The following RSAD2 variants were observed in gnomAD, a reference collection of about 807,000 sequenced individuals.
The protein encoded by RSAD2 is radical S-adenosyl methionine domain containing 2.
RSAD2 carries 38 observed loss-of-function variants against 37.7 expected under a neutral mutation model. The observed-to-expected ratio is 1.01, with a 90% CI of 0.78 to 1.32. RSAD2 has a LOEUF of 1.32. Among genes scored for constraint, RSAD2 ranks in the 40% most tolerant of loss-of-function variants. The pLI, the probability that RSAD2 is intolerant of heterozygous loss-of-function variation, is 0.00. For synonymous variants in RSAD2, 163 were observed against 157.4 expected (o/e 1.04, Z -0.27); for missense variants, 428 against 437.5 (o/e 0.98, Z 0.19).
intron 1 of RSAD2, among the ~76,000 whole-genome samples, chr2:6,882,505 T>G (rs1663433681): frequency 6.6e-6 from 1 of 151,920 alleles, no homozygotes; most frequent in South Asian, 2.1e-4. Context: ...GATAAGAAAA[T>G]AGTGGTTAAA....
intron 1 of RSAD2, chr2:6,878,813 T>C: frequency 8.3e-7 from 1 of 1,200,560 alleles, no homozygotes; most frequent in Non-Finnish European, 1.1e-6. Context: ...TTCCTGTCTT[T>C]CCTAGAGTAC....
Position 6,877,822 on chromosome 2 carries a change from G to A in RSAD2, c.22G>A (p.Ala8Thr), listed in dbSNP as rs749611261. The change falls in exon 1 of 6, where the codon GCT becomes ACT. Residue 8 changes from alanine to threonine, a missense_variant. Coordinates refer to ENST00000382040, the MANE Select transcript of RSAD2 (RefSeq NM_080657.5). ...CACAATGTGGGTGCTTACACCTGCT[G>A]CTTTTGCTGGGAAGCTCTTGAGTGT... MWVLTPAAFAGKLLSVFR... is the reference protein window; with the variant it reads MWVLTPATFAGKLLSVFR... 4 of 1,613,844 alleles carry A rather than the reference G, an allele frequency of 2.5e-6. No individual in the cohort carries two copies. The Admixed American group carries it at 6.7e-5, about 27-fold the overall frequency.
chr2:6,893,460 G>A (rs1663670544), intron 4 of RSAD2, among the ~76,000 whole-genome samples: 1 of 152,184 alleles, frequency 6.6e-6, no homozygotes, highest in African/African-American at 2.4e-5. Context: ...TTTCAGCAAA[G>A]AGCAGAGAAT....
At chr2:6,886,596 C>T (rs1663526490) in intron 2 of RSAD2, among the ~76,000 whole-genome samples, 1 of 152,190 alleles carries the variant, frequency 6.6e-6, no homozygotes, top group Non-Finnish European at 1.5e-5. Flanking sequence ...AGTCTAGAGG[C>T]ATCCAAATAT....
chr2:6,894,545 C>A (rs183547087), intron 5 of RSAD2, among the ~76,000 whole-genome samples: 25 of 152,320 alleles, frequency 1.6e-4, no homozygotes, highest in Admixed American at 1.6e-3. Context: ...TGGCTCACTG[C>A]AGCCTCAGCC....
At chr2:6,867,686 C>A (rs1663128185) in intron 1 of RSAD2, among the ~76,000 whole-genome samples, 2 of 152,128 alleles carry the variant, frequency 1.3e-5, no homozygotes, top group African/African-American at 4.8e-5. Flanking sequence ...CCACTGAGCA[C>A]CTTGAGGGTA....
chr2:6,867,383 G>A (rs1663118727), intron 1 of RSAD2, among the ~76,000 whole-genome samples: 2 of 152,096 alleles, frequency 1.3e-5, no homozygotes, highest in South Asian at 2.1e-4. Context: ...TTGCATCCTT[G>A]GCGTCTCCTT....
At chr2:6,878,239 A>G in intron 1 of RSAD2, 93 bp downstream of exon 1, 1 of 1,037,660 alleles carries the variant, frequency 9.6e-7, no homozygotes, top group Non-Finnish European at 1.4e-6. Flanking sequence ...CAAGCTGGAG[A>G]GCTTCTCCAA....
At position 6,897,650 on chromosome 2, in the gene RSAD2, T is replaced by C. The variant is rs151157454; in HGVS notation, c.*1708T>C. ...GGTTTTGATTGTGTCTAAGCTATGA[T>C]GACCTTCATATAATCAGCATAAACA... On this transcript the variant is annotated 3_prime_UTR_variant, in exon 6 of 6. Coordinates refer to ENST00000382040, the MANE Select transcript of RSAD2 (RefSeq NM_080657.5). The C allele has an allele frequency of 6.6e-6, 1 of 152,316 alleles. No individual in the cohort carries two copies. Among genetic ancestry groups the C allele is most frequent in the Non-Finnish European group, 1.5e-5 (1 of 68,028 alleles). 9.4% of individuals were successfully genotyped at this position (152,316 alleles called of 1,614,324 possible).
At chr2:6,895,177 C>T (rs893894167) in intron 5 of RSAD2, among the ~76,000 whole-genome samples, 7 of 152,204 alleles carry the variant, frequency 4.6e-5, no homozygotes, top group South Asian at 2.1e-4. Flanking sequence ...AAAGAGCCTT[C>T]GCAGGTCATG....
upstream of RSAD2, among the ~76,000 whole-genome samples, chr2:6,876,486 A>G (rs1225060257): frequency 3.3e-5 from 5 of 152,202 alleles, no homozygotes; most frequent in Admixed American, 2.6e-4. Flanking sequence ...TATGCCTCTC[A>G]TGATCACATG....
chr2:6,890,633 G>A (rs1477819897), intron 4 of RSAD2, among the ~76,000 whole-genome samples: 1 of 152,124 alleles, frequency 6.6e-6, no homozygotes, highest in African/African-American at 2.4e-5. Context: ...TAAGTATAAT[G>A]TCCCTATGTG....
chr2:6,884,271 A>G (rs1213421926), intron 2 of RSAD2, among the ~76,000 whole-genome samples: 1 of 152,130 alleles, frequency 6.6e-6, no homozygotes, highest in Non-Finnish European at 1.5e-5. Flanking sequence ...GCGGACATGG[A>G]CTGTGGGGGA....
rs554141538 is a variant in RSAD2, at chr2:6,886,958, A to G, written c.532A>G (p.Ile178Val). 2 of 1,614,010 alleles carry G rather than the reference A, an allele frequency of 1.2e-6. No homozygotes were observed. The highest frequency in any genetic ancestry group is 1.1e-5 in the South Asian group (1 of 91,082). Residue 178 changes from isoleucine to valine, a missense_variant, in exon 3 of 6, where the codon ATC becomes GTC. By Grantham distance (29) the Ile-to-Val change is conservative. Transcript: ENST00000382040. ...NYGEYLDILA[I>V]SCDSFDEEVN... The stretch of plus-strand genomic sequence containing the variant: ...AGGTGAGTATTTGGACATTCTCGCT[A>G]TCTCCTGTGACAGCTTTGACGAGGA...
rs555670954 is a variant in RSAD2 at position 6,882,239 on chromosome 2, C to A, written c.347-1132C>A. Among the ~76,000 whole-genome samples, 155 of 152,076 alleles carry A rather than the reference C, an allele frequency of 1.0e-3. 1 individual carries two copies. Among genetic ancestry groups the A allele is most frequent in the Non-Finnish European group, 1.9e-3 (126 of 67,988 alleles). ...TCAAAAGAAGAGGCAGACACCAAAA[C>A]AAATACACAGAGAGTATGTAGGAAG... On this transcript the variant is annotated intron_variant, in intron 1 of 5. Coordinates refer to ENST00000382040, the MANE Select transcript of RSAD2 (RefSeq NM_080657.5).
chr2:6,888,284 A>G (rs941789317), intron 3 of RSAD2, among the ~76,000 whole-genome samples: 4 of 152,196 alleles, frequency 2.6e-5, no homozygotes, highest in African/African-American at 9.6e-5. Context: ...TGGAGATGCT[A>G]CTTTCAAAAA....
chr2:6,874,773 T>C (rs925469982), upstream of RSAD2, among the ~76,000 whole-genome samples: 1 of 152,236 alleles, frequency 6.6e-6, no homozygotes, highest in Non-Finnish European at 1.5e-5. Flanking sequence ...TGAACAAAAG[T>C]GGAAGCATTT....
At chr2:6,871,266 TCTAC>T (rs1353056579) in intron 1 of RSAD2, among the ~76,000 whole-genome samples, 6 of 152,234 alleles carry the variant, frequency 3.9e-5, no homozygotes, top group African/African-American at 1.4e-4. Flanking sequence ...TGCCTGTTGC[TCTAC>T]CTGTCTTCTG....
At chr2:6,877,546 A>G, upstream of RSAD2, 2 of 512,610 alleles carry the variant, frequency 3.9e-6, no homozygotes. Flanking sequence ...GACTGTTATA[A>G]TACAAGTGGA....
Sources: gnomAD v4.1 joint callset for allele counts (sites outside exome capture counted in the v4.1 genomes callset) on GRCh38, gnomAD v4.1.1 for gene constraint, MANE v1.5 for transcripts, NCBI Gene and HGNC (gene_info 2026-07-23, HGNC 2026-07-21) for gene names.